LY6S: variants seen among roughly 807,000 people sequenced by gnomAD.
LY6S encodes lymphocyte antigen 6S.
At chr8:143,057,816 T>G in the LY6S span, 16 of 766,552 alleles carry the variant, frequency 2.1e-5, no homozygotes, top group Admixed American at 2.6e-4. Context: ...ACAGCTAGAC[T>G]GGGTGAGACT....
At chr8:143,071,938 A>G in the LY6S span, among the ~76,000 whole-genome samples, 10 of 152,168 alleles carry the variant, frequency 6.6e-5, no homozygotes, top group Non-Finnish European at 1.3e-4. Context: ...AAAATCCAGC[A>G]CCATCCACCC....
At chr8:143,065,503 G>T in the LY6S span, among the ~76,000 whole-genome samples, 1 of 152,114 alleles carries the variant, frequency 6.6e-6, no homozygotes, top group South Asian at 2.1e-4. Flanking sequence ...TCCAAAAACT[G>T]GCCATCATTT....
chr8:143,045,628 C>A, the LY6S span, among the ~76,000 whole-genome samples: 1 of 152,160 alleles, frequency 6.6e-6, no homozygotes, highest in East Asian at 1.9e-4. This position sits in a 1 kb window ranked among gnomAD's most constrained non-coding sequence, Gnocchi z 5.3. Flanking sequence ...ACCCAGGACC[C>A]TCCCAGGCCT....
the LY6S span, chr8:143,057,206 G>T: frequency 6.4e-6 from 2 of 310,994 alleles, no homozygotes; most frequent in Non-Finnish European, 6.3e-6. Context: ...GACTGGCTTT[G>T]TTTGGCTTTA....
At chr8:143,053,863 G>A in the LY6S span, 3 of 152,062 alleles carry the variant, frequency 2.0e-5, no homozygotes, top group Non-Finnish European at 2.9e-5. Flanking sequence ...TCAATCTCCC[G>A]CTCTATCCTG....
chr8:143,065,921 G>A, the LY6S span: 3 of 269,690 alleles, frequency 1.1e-5, no homozygotes, highest in South Asian at 1.4e-4. Flanking sequence ...TTCCTCACGT[G>A]GGCTTTGGTG....
At chr8:143,067,001 T>C in the LY6S span, among the ~76,000 whole-genome samples, 1 of 152,028 alleles carries the variant, frequency 6.6e-6, no homozygotes, top group African/African-American at 2.4e-5. Context: ...GTGGGCCTGG[T>C]GGGTGGTGTT....
the LY6S span, among the ~76,000 whole-genome samples, chr8:143,073,534 T>C: frequency 2.6e-3 from 248 of 93,838 alleles, 2 homozygotes; most frequent in African/African-American, 0.01. Flanking sequence ...GCCATCGTCC[T>C]CGGGGTCCCT....
chr8:143,075,010 G>A, the LY6S span, among the ~76,000 whole-genome samples: 1 of 151,544 alleles, frequency 6.6e-6, no homozygotes, highest in Non-Finnish European at 1.5e-5. This position sits in a 1 kb window ranked among gnomAD's most constrained non-coding sequence, Gnocchi z 4.1. Flanking sequence ...GAAATAGAAA[G>A]GTTGGCTTCA....
the LY6S span, among the ~76,000 whole-genome samples, chr8:143,064,244 A>C: frequency 6.6e-6 from 1 of 152,222 alleles, no homozygotes; most frequent in South Asian, 2.1e-4. Flanking sequence ...TATGCCTAGA[A>C]ATCCTTTTAG....
chr8:143,043,095 T>C, the LY6S span: 496,164 of 1,367,134 alleles, frequency 0.36, 91,356 homozygotes, highest in African/African-American at 0.48. Context: ...AGGGTAGGCC[T>C]GCGGGGGAGA....
the LY6S span, among the ~76,000 whole-genome samples, chr8:143,058,923 A>G: frequency 6.6e-6 from 1 of 152,318 alleles, no homozygotes; most frequent in East Asian, 1.9e-4. Context: ...CTATCTCTGT[A>G]TGGCCTGGTT....
chr8:143,070,481 ATATATATATT>A, the LY6S span, among the ~76,000 whole-genome samples: 2 of 85,420 alleles, frequency 2.3e-5, no homozygotes, highest in East Asian at 4.3e-4. Context: ...ATATAAATAT[ATATATATATT>A]TTTTTTTTTT....
At chr8:143,058,995 A>G in the LY6S span, among the ~76,000 whole-genome samples, 5 of 152,270 alleles carry the variant, frequency 3.3e-5, no homozygotes, top group Non-Finnish European at 2.9e-5. Context: ...AGTAATTGCT[A>G]CAAACTAATG....
chr8:143,054,462 C>T, the LY6S span, among the ~76,000 whole-genome samples: 1 of 152,170 alleles, frequency 6.6e-6, no homozygotes, highest in Non-Finnish European at 1.5e-5. Flanking sequence ...AAACCTTTCA[C>T]TTACAGGCCA....
At chr8:143,058,166 T>C in the LY6S span, among the ~76,000 whole-genome samples, 2 of 151,880 alleles carry the variant, frequency 1.3e-5, no homozygotes, top group Non-Finnish European at 2.9e-5. Context: ...GGTAGGTGGG[T>C]CTCTCCCCGC....
At chr8:143,060,525 C>T in the LY6S span, among the ~76,000 whole-genome samples, 1 of 152,218 alleles carries the variant, frequency 6.6e-6, no homozygotes, top group Non-Finnish European at 1.5e-5. Flanking sequence ...GCCTCGGCTA[C>T]CAAATAGGGA....
At chr8:143,065,612 G>C in the LY6S span, among the ~76,000 whole-genome samples, 1 of 151,744 alleles carries the variant, frequency 6.6e-6, no homozygotes, top group Non-Finnish European at 1.5e-5. Flanking sequence ...CAATCTGACA[G>C]AATTCTCCTC....
chr8:143,047,050 T>C, the LY6S span, among the ~76,000 whole-genome samples: 1 of 151,982 alleles, frequency 6.6e-6, no homozygotes, highest in Non-Finnish European at 1.5e-5. Context: ...AGGATGATAA[T>C]AGTGTCTTCC....
Sources: gnomAD v4.1 joint callset for allele counts (sites outside exome capture counted in the v4.1 genomes callset) on GRCh38, gnomAD v4.1.1 for gene constraint, Gnocchi (gnomAD v3.1) non-coding constraint, MANE v1.5 for transcripts, NCBI Gene and HGNC (gene_info 2026-07-23, HGNC 2026-07-21) for gene names.